LPP: variants seen among roughly 807,000 people sequenced by gnomAD.
The protein encoded by LPP is LIM domain containing preferred translocation partner in lipoma.
In LPP, 38 loss-of-function variants were observed where a neutral mutation model predicts 60.4. The ratio of observed to expected loss-of-function variants is 0.63; its 90% CI spans 0.49 to 0.83. LPP has a LOEUF of 0.83. LPP is among the 40% of genes least tolerant of loss of function. The probability of loss-of-function intolerance (pLI) is 0.00; values close to 1 mark genes in which losing one functional copy is unlikely to be tolerated. For missense variants in LPP, 902 were observed against 783.6 expected (o/e 1.15, Z -1.80); for synonymous variants, 328 against 290.8 (o/e 1.13, Z -1.30).
At chr3:188,514,964 G>T (rs903458199) in intron 5 of LPP, among the ~76,000 whole-genome samples, 1 of 152,144 alleles carries the variant, frequency 6.6e-6, no homozygotes, top group African/African-American at 2.4e-5. Context: ...GGAGATTTGG[G>T]TTGGCCAAAC....
intron 7 of LPP, among the ~76,000 whole-genome samples, chr3:188,613,261 C>CTATACCTATATCTATAT (rs1553944171): frequency 8.5e-6 from 1 of 117,336 alleles, no homozygotes; most frequent in African/African-American, 3.0e-5. Context: ...TATATCTATA[C>CTATACCTATATCTATAT]CTATATCTAT....
chr3:188,511,760 C>A (rs761112344), intron 5 of LPP, among the ~76,000 whole-genome samples: 1 of 152,050 alleles, frequency 6.6e-6, no homozygotes, highest in Non-Finnish European at 1.5e-5. Flanking sequence ...TCGATGAGAT[C>A]GTATATATGA....
chr3:188,364,315 C>T (rs1770462039), intron 3 of LPP, among the ~76,000 whole-genome samples: 1 of 152,158 alleles, frequency 6.6e-6, no homozygotes, highest in South Asian at 2.1e-4. Flanking sequence ...TTTTTGCTAT[C>T]CCTGTCTTAC....
At chr3:188,158,878 A>G (rs1309035467) in intron 1 of LPP, among the ~76,000 whole-genome samples, 1 of 152,222 alleles carries the variant, frequency 6.6e-6, no homozygotes, top group Non-Finnish European at 1.5e-5. Context: ...TTCAGCCCAC[A>G]TTCGTGGGGC....
intron 1 of LPP, among the ~76,000 whole-genome samples, chr3:188,174,421 G>A (rs1722479298): frequency 6.6e-6 from 1 of 152,236 alleles, no homozygotes; most frequent in Non-Finnish European, 1.5e-5. Flanking sequence ...GGCATAGCAA[G>A]TGCAGCGAAG....
At chr3:188,839,813 G>T (rs1374396960) in intron 9 of LPP, among the ~76,000 whole-genome samples, 1 of 152,064 alleles carries the variant, frequency 6.6e-6, no homozygotes, top group Non-Finnish European at 1.5e-5. Context: ...GGGAGTCGGA[G>T]GTTGCAGTGA....
At chr3:188,193,426 C>T (rs1401872395) in intron 1 of LPP, among the ~76,000 whole-genome samples, 1 of 152,152 alleles carries the variant, frequency 6.6e-6, no homozygotes, top group Non-Finnish European at 1.5e-5. Context: ...ATTGTAGCTA[C>T]TGTACAAGGT....
At chr3:188,607,370 G>GAGAT (rs1423303782) in intron 6 of LPP, among the ~76,000 whole-genome samples, 7 of 102,736 alleles carry the variant, frequency 6.8e-5, no homozygotes, top group South Asian at 2.8e-4. Context: ...GAAAATAGAA[G>GAGAT]ATATATATAT....
chr3:188,591,195 T>C (rs1255520526), intron 6 of LPP, among the ~76,000 whole-genome samples: 1 of 152,208 alleles, frequency 6.6e-6, no homozygotes, highest in Non-Finnish European at 1.5e-5. Context: ...AGCATTTTCT[T>C]TAAGACATAT....
rs149950413 is a variant in LPP at position 188,888,922 on chromosome 3, G to A, written c.*14443G>A. The A allele has an allele frequency of 2.3e-3, 506 of 218,930 alleles. 4 individuals are homozygous for A. Among genetic ancestry groups the A allele is most frequent in the South Asian group, 6.3e-3 (34 of 5,396 alleles). The allele number at this position is 218,930 out of a possible 1,614,324, so 13.6% of individuals were successfully genotyped here. ...TTCCTGTACTCTGCTTCAAGGGAAT[G>A]TAAGCTTTATGGCATTGAAACATTT... On this transcript the variant is annotated 3_prime_UTR_variant, in exon 12 of 12. Transcript: ENST00000617246.
At chr3:188,814,484 G>A (rs549214606) in intron 9 of LPP, among the ~76,000 whole-genome samples, 95 of 152,240 alleles carry the variant, frequency 6.2e-4, no homozygotes, top group Non-Finnish European at 1.0e-3. Context: ...ACAACATTAA[G>A]CTTTTCTATT....
intron 4 of LPP, among the ~76,000 whole-genome samples, chr3:188,465,305 G>A (rs1800107580): frequency 6.6e-6 from 1 of 152,136 alleles, no homozygotes; most frequent in African/African-American, 2.4e-5. Context: ...TGATGAGTGG[G>A]TTGGGATTAA....
chr3:188,603,814 A>T (rs1342655388), intron 6 of LPP, among the ~76,000 whole-genome samples: 2 of 152,192 alleles, frequency 1.3e-5, no homozygotes. Flanking sequence ...TTAATCTTCT[A>T]GCAAGTCAAC....
At chr3:188,772,484 T>TTTTTC (rs1026008266) in intron 9 of LPP, among the ~76,000 whole-genome samples, 31 of 152,078 alleles carry the variant, frequency 2.0e-4, no homozygotes, top group Admixed American at 1.3e-3. Context: ...AGGTCACCCT[T>TTTTTC]TTTTCTTTTC....
intron 2 of LPP, among the ~76,000 whole-genome samples, chr3:188,278,399 G>A (rs1332709485): frequency 6.6e-6 from 1 of 152,172 alleles, no homozygotes; most frequent in Non-Finnish European, 1.5e-5. Context: ...TGGTTGGAAG[G>A]AGTGCTCTGT....
At chr3:188,799,471 C>T (rs906571441) in intron 9 of LPP, among the ~76,000 whole-genome samples, 1 of 152,200 alleles carries the variant, frequency 6.6e-6, no homozygotes, top group African/African-American at 2.4e-5. Flanking sequence ...TTGCCATTCA[C>T]TGCTTTCCAT....
At chr3:188,173,537 A>G (rs73190751) in intron 1 of LPP, among the ~76,000 whole-genome samples, 1 of 151,906 alleles carries the variant, frequency 6.6e-6, no homozygotes, top group South Asian at 2.1e-4. Context: ...AACAAAAAAA[A>G]CCAACCTGGG....
intron 4 of LPP, among the ~76,000 whole-genome samples, chr3:188,453,722 C>T (rs570317406): frequency 1.3e-5 from 2 of 152,062 alleles, no homozygotes; most frequent in Non-Finnish European, 2.9e-5. Context: ...TAGTACCTTC[C>T]CTATTAAGTC....
At chr3:188,759,690 C>G (rs926008925) in intron 8 of LPP, among the ~76,000 whole-genome samples, 6 of 152,190 alleles carry the variant, frequency 3.9e-5, no homozygotes, top group Non-Finnish European at 8.8e-5. Flanking sequence ...ATCTTACATT[C>G]TAACTGGATG....
Sources: allele counts gnomAD v4.1 joint callset (sites outside exome capture counted in the v4.1 genomes callset), GRCh38; gene constraint gnomAD v4.1.1; transcripts MANE v1.5; gene names NCBI Gene and HGNC (gene_info 2026-07-23, HGNC 2026-07-21).